OR1J2: variants seen among roughly 807,000 people sequenced by gnomAD.
OR1J2 encodes the protein olfactory receptor 1J2.
For missense variants in OR1J2, 304 were observed against 246.1 expected (o/e 1.24, Z -1.57); for synonymous variants, 142 against 99.7 (o/e 1.42, Z -2.52).
At chr9:122,480,194 A>G in the OR1J2 span, among the ~76,000 whole-genome samples, 1 of 152,190 alleles carries the variant, frequency 6.6e-6, no homozygotes, top group Non-Finnish European at 1.5e-5. Context: ...ACAAATAAAT[A>G]TTTGCAAGGA....
chr9:122,474,955 A>C, the OR1J2 span: 5 of 151,902 alleles, frequency 3.3e-5, no homozygotes, highest in Non-Finnish European at 7.4e-5. Flanking sequence ...GCTTCCCTTT[A>C]CCCTGCCCTC....
At chr9:122,553,939 C>A in the OR1J2 span, 3 of 1,613,964 alleles carry the variant, frequency 1.9e-6, no homozygotes, top group African/African-American at 1.3e-5. Flanking sequence ...GCCTTCTCTA[C>A]CTGTGGTTCT....
At chr9:122,512,656 C>T (rs1032597287), downstream of OR1J2, among the ~76,000 whole-genome samples, 5 of 152,154 alleles carry the variant, frequency 3.3e-5, no homozygotes, top group African/African-American at 1.2e-4. Context: ...TAAATTATCT[C>T]ATTTGTATAT....
the OR1J2 span, among the ~76,000 whole-genome samples, chr9:122,485,330 C>T: frequency 6.6e-6 from 1 of 152,176 alleles, no homozygotes; most frequent in Non-Finnish European, 1.5e-5. Context: ...GTTACTTAGT[C>T]TTAGAGGCTA....
upstream of OR1J2, among the ~76,000 whole-genome samples, chr9:122,510,003 C>T (rs1346790167): frequency 1.4e-4 from 22 of 151,792 alleles, no homozygotes; most frequent in Non-Finnish European, 3.2e-4. Context: ...TCGGGGGGTG[C>T]GGGAGGAAGA....
the OR1J2 span, chr9:122,553,776 A>G: frequency 1.9e-6 from 3 of 1,613,920 alleles, no homozygotes; most frequent in African/African-American, 4.0e-5. Flanking sequence ...TGCTCTCCTG[A>G]AGCTTGCCTG....
At chr9:122,477,235 G>A in the OR1J2 span, 9 of 1,613,972 alleles carry the variant, frequency 5.6e-6, no homozygotes, top group Non-Finnish European at 5.9e-6. Flanking sequence ...TATGCCCTTG[G>A]TAGAGGGAAT....
the OR1J2 span, among the ~76,000 whole-genome samples, chr9:122,480,547 A>G: frequency 3.1e-5 from 4 of 130,220 alleles, no homozygotes; most frequent in Admixed American, 7.4e-5. Context: ...TTCATCACCC[A>G]GGTATTTCTT....
chr9:122,454,977 C>A, the OR1J2 span, among the ~76,000 whole-genome samples: 1 of 152,178 alleles, frequency 6.6e-6, no homozygotes. Flanking sequence ...AAAAGGCAAG[C>A]CTTTTATGTC....
the OR1J2 span, among the ~76,000 whole-genome samples, chr9:122,482,711 C>G: frequency 6.6e-6 from 1 of 152,158 alleles, no homozygotes; most frequent in South Asian, 2.1e-4. Flanking sequence ...AGTGTGGCAA[C>G]ATGGATGAAC....
the OR1J2 span, among the ~76,000 whole-genome samples, chr9:122,465,013 A>G: frequency 6.6e-6 from 1 of 152,106 alleles, no homozygotes; most frequent in East Asian, 1.9e-4. Context: ...CTCTATTTCT[A>G]AACATCTTTT....
the OR1J2 span, chr9:122,527,280 G>A: frequency 1.9e-6 from 3 of 1,606,590 alleles, no homozygotes; most frequent in East Asian, 4.5e-5. Flanking sequence ...AGAAATGCTG[G>A]ATTGGTTTTC....
the OR1J2 span, chr9:122,475,546 A>ACTCT: frequency 5.2e-4 from 79 of 151,982 alleles, no homozygotes; most frequent in African/African-American, 1.9e-3. Context: ...TTTACAAGAC[A>ACTCT]CTCTCTTACC....
At chr9:122,539,941 C>T in the OR1J2 span, among the ~76,000 whole-genome samples, 2 of 152,002 alleles carry the variant, frequency 1.3e-5, no homozygotes, top group African/African-American at 2.4e-5. Flanking sequence ...TCATATCCTT[C>T]ACCCACTTTT....
upstream of OR1J2, among the ~76,000 whole-genome samples, chr9:122,507,800 T>G (rs1347375254): frequency 6.6e-6 from 1 of 152,144 alleles, no homozygotes; most frequent in African/African-American, 2.4e-5. Context: ...TCTGGGTAGA[T>G]TTGCATTTTG....
the OR1J2 span, among the ~76,000 whole-genome samples, chr9:122,539,191 A>C: frequency 5.9e-5 from 9 of 152,164 alleles, no homozygotes; most frequent in Non-Finnish European, 1.2e-4. Context: ...ATATGTATAC[A>C]TGTGTCATGT....
chr9:122,561,473 G>A, the OR1J2 span, among the ~76,000 whole-genome samples: 6 of 152,176 alleles, frequency 3.9e-5, no homozygotes, highest in Admixed American at 3.9e-4. Flanking sequence ...ATCTTCATGA[G>A]TTTGTCTAGT....
the OR1J2 span, among the ~76,000 whole-genome samples, chr9:122,521,034 C>G: frequency 1.3e-5 from 2 of 152,232 alleles, no homozygotes; most frequent in Non-Finnish European, 2.9e-5. Flanking sequence ...TTTGTAATCT[C>G]TATATACCAG....
chr9:122,579,893 G>A, the OR1J2 span, among the ~76,000 whole-genome samples: 1 of 152,208 alleles, frequency 6.6e-6, no homozygotes, highest in African/African-American at 2.4e-5. Flanking sequence ...GAGTCTCTAG[G>A]AATAAACTTA....
Sources: gnomAD v4.1 joint callset for allele counts (sites outside exome capture counted in the v4.1 genomes callset) on GRCh38, gnomAD v4.1.1 for gene constraint, MANE v1.5 for transcripts, NCBI Gene and HGNC (gene_info 2026-07-23, HGNC 2026-07-21) for gene names.